Variants in TMEM202 observed in about 807,000 individuals in gnomAD.
TMEM202 encodes the protein transmembrane protein 202.
TMEM202 carries 25 observed loss-of-function variants against 26.1 expected under a neutral mutation model. The observed-to-expected ratio is 0.96, with a 90% CI of 0.70 to 1.34. The LOEUF (loss-of-function observed/expected upper bound fraction) is 1.34. Ranked by LOEUF, TMEM202 falls within the 40% of genes most tolerant of loss-of-function variation. The pLI is 0.00. For missense variants in TMEM202, 301 were observed against 327.7 expected (o/e 0.92, Z 0.63); for synonymous variants, 122 against 119.0 (o/e 1.02, Z -0.16).
chr15:72,402,269 G>T (rs74246995), intron 2 of TMEM202, among the ~76,000 whole-genome samples: 1 of 152,088 alleles, frequency 6.6e-6, no homozygotes, highest in Non-Finnish European at 1.5e-5. Flanking sequence ...CCTGGCCTCC[G>T]AATACATTAT....
At chr15:72,398,557 A>C in intron 1 of TMEM202, 96 bp from the exon 2 acceptor site, 2 of 1,502,956 alleles carry the variant, frequency 1.3e-6, no homozygotes, top group Non-Finnish European at 1.8e-6. Context: ...CTATAAATCA[A>C]ACACACATGG....
chr15:72,402,009 AGGCT>A (rs2063549735), intron 2 of TMEM202, among the ~76,000 whole-genome samples: 1 of 152,100 alleles, frequency 6.6e-6, no homozygotes, highest in Non-Finnish European at 1.5e-5. Context: ...TCTGTCACCC[AGGCT>A]GGAGTGCAGT....
At position 72,398,676 on chromosome 15, in the gene TMEM202, T is replaced by G; in HGVS notation, c.105T>G (p.His35Gln). 1 of 1,614,108 alleles carries G rather than the reference T, an allele frequency of 6.2e-7. No homozygotes were observed. Among genetic ancestry groups the G allele is most frequent in the Non-Finnish European group, 8.5e-7 (1 of 1,180,014 alleles). The change falls in exon 2 of 5, where the codon CAT becomes CAG. Residue 35 changes from histidine to glutamine, a missense_variant. His to Gln is a conservative substitution (Grantham distance 24). Coordinates refer to ENST00000341689, the MANE Select transcript of TMEM202 (RefSeq NM_001080462.3). ...YQRPTVPAKK[H>Q]PSASMSCQRQ... ...AGCCTACCGTCCCTGCCAAGAAACA[T>G]CCAAGTGCCTCGATGTCATGCCAAA...
At chr15:72,406,997 A>T (rs2063575112) in intron 3 of TMEM202, 89 bp from the exon 4 acceptor site, 2 of 1,509,890 alleles carry the variant, frequency 1.3e-6, no homozygotes, top group African/African-American at 2.8e-5. Flanking sequence ...CGCTATACAT[A>T]TGGCCTCTGG....
At chr15:72,407,348 G>A in intron 4 of TMEM202, 131 bp downstream of exon 4, 1 of 1,123,310 alleles carries the variant, frequency 8.9e-7, no homozygotes, top group Non-Finnish European at 1.3e-6. Context: ...AGAGTCAGGG[G>A]GGCATAATGA....
chr15:72,401,320 G>T (rs1314302686), intron 2 of TMEM202, among the ~76,000 whole-genome samples: 2 of 152,110 alleles, frequency 1.3e-5, no homozygotes, highest in African/African-American at 4.8e-5. Flanking sequence ...TGAGGTGGGG[G>T]ATCACTTGAG....
At position 72,407,191 on chromosome 15, in the gene TMEM202, G is replaced by A; in HGVS notation, c.593G>A (p.Cys198Tyr). The change falls in exon 4 of 5, where the codon TGC (cysteine) becomes TAC (tyrosine). Residue 198 changes from cysteine to tyrosine, a missense_variant. Coordinates refer to ENST00000341689, the MANE Select transcript of TMEM202 (RefSeq NM_001080462.3). Reference sequence around the variant, plus strand: ...CTATGGACCTATTATCTTAACTGGTGCAGTGACATCTTTTACATGTTTGCT... The same window carrying A: ...CTATGGACCTATTATCTTAACTGGTACAGTGACATCTTTTACATGTTTGCT... ...DLLWTYYLNW[C>Y]SDIFYMFAGI... 5 of 1,613,638 alleles carry A rather than the reference G, an allele frequency of 3.1e-6. No individual in the cohort carries two copies. Among genetic ancestry groups the A allele is most frequent in the Non-Finnish European group, 3.4e-6 (4 of 1,179,750 alleles).
At chr15:72,398,952 A>G in intron 2 of TMEM202, 44 bp downstream of exon 2, 1 of 1,577,336 alleles carries the variant, frequency 6.3e-7, no homozygotes, top group Non-Finnish European at 8.6e-7. Context: ...ACACAATTGC[A>G]GAGCTTTCTG....
At chr15:72,406,991 A>G in intron 3 of TMEM202, 95 bp from the exon 4 acceptor site, 1 of 1,513,992 alleles carries the variant, frequency 6.6e-7, no homozygotes, top group Non-Finnish European at 8.9e-7. Context: ...GATCCTCGCT[A>G]TACATATGGC....
chr15:72,400,051 G>GA (rs1264491370), intron 2 of TMEM202, among the ~76,000 whole-genome samples: 2 of 152,098 alleles, frequency 1.3e-5, no homozygotes, highest in African/African-American at 4.8e-5. Flanking sequence ...ATCTTGAGAA[G>GA]AAACTAAAAT....
At chr15:72,404,326 G>A (rs947650866) in intron 2 of TMEM202, among the ~76,000 whole-genome samples, 3 of 152,064 alleles carry the variant, frequency 2.0e-5, no homozygotes, top group Non-Finnish European at 2.9e-5. Context: ...GAGGTGGGAG[G>A]ATAGCTTGAG....
At chr15:72,405,166 C>A (rs1472222250) in intron 2 of TMEM202, among the ~76,000 whole-genome samples, 2 of 152,076 alleles carry the variant, frequency 1.3e-5, no homozygotes, top group African/African-American at 4.8e-5. Context: ...TTTCTGCTCT[C>A]TGGGTTACTC....
Position 72,407,404 on chromosome 15 carries a change from G to A in TMEM202, c.619+187G>A, listed in dbSNP as rs530400320. On this transcript the variant is annotated intron_variant, in intron 4 of 4. Transcript: ENST00000341689. ...TCTGAAAACCTAGCATTAGTAACCTGCTCTATCACAAAGTGAGGCATGGAC... is the reference window on the plus strand; with the variant it reads ...TCTGAAAACCTAGCATTAGTAACCTACTCTATCACAAAGTGAGGCATGGAC... Among the ~76,000 whole-genome samples the A allele has an allele frequency of 1.7e-3, 254 of 152,208 alleles. 1 individual carries two copies. Among genetic ancestry groups the A allele is most frequent in the Non-Finnish European group, 2.8e-3 (191 of 68,012 alleles).
At chr15:72,406,105 C>T (rs961092075) in intron 2 of TMEM202, among the ~76,000 whole-genome samples, 4 of 150,568 alleles carry the variant, frequency 2.7e-5, no homozygotes, top group Non-Finnish European at 4.4e-5. Flanking sequence ...ATAATATTTA[C>T]AACAGATAAT....
At chr15:72,399,672 T>C (rs1437300077) in intron 2 of TMEM202, among the ~76,000 whole-genome samples, 1 of 152,252 alleles carries the variant, frequency 6.6e-6, no homozygotes, top group Non-Finnish European at 1.5e-5. Flanking sequence ...AAGATAATGT[T>C]ATTTATGTCA....
intron 2 of TMEM202, among the ~76,000 whole-genome samples, chr15:72,401,037 T>C (rs141793073): frequency 6.6e-5 from 10 of 152,302 alleles, no homozygotes; most frequent in African/African-American, 2.4e-4. Flanking sequence ...TGCATTATAA[T>C]TCATGTATAA....
intron 2 of TMEM202, among the ~76,000 whole-genome samples, chr15:72,405,902 C>T (rs750547598): frequency 1.3e-5 from 2 of 151,938 alleles, no homozygotes; most frequent in African/African-American, 4.8e-5. Flanking sequence ...GAATGAGACT[C>T]TGTCTCAAAA....
intron 2 of TMEM202, among the ~76,000 whole-genome samples, chr15:72,405,980 A>G (rs2063569042): frequency 6.6e-6 from 1 of 152,234 alleles, no homozygotes; most frequent in Admixed American, 6.5e-5. Flanking sequence ...TCATAGGCTG[A>G]CAAGGCCTGT....
At chr15:72,407,025 G>T in intron 3 of TMEM202, 61 bp from the exon 4 acceptor site, 1 of 1,595,292 alleles carries the variant, frequency 6.3e-7, no homozygotes. Flanking sequence ...AGAGCTGGGG[G>T]TGGCGGGGAA....
Sources: allele counts gnomAD v4.1 joint callset (sites outside exome capture counted in the v4.1 genomes callset), GRCh38; gene constraint gnomAD v4.1.1; transcripts MANE v1.5; gene names NCBI Gene and HGNC (gene_info 2026-07-23, HGNC 2026-07-21).